The following PREX1 variants were observed in gnomAD, a reference collection of about 807,000 sequenced individuals.
PREX1 encodes phosphatidylinositol 3,4,5-trisphosphate-dependent Rac exchanger 1 protein.
Under a neutral mutation model 198.3 loss-of-function variants are expected in PREX1, and 41 were observed. The ratio of observed to expected loss-of-function variants is 0.21; its 90% CI spans 0.16 to 0.27. The LOEUF is 0.27. Ranked by LOEUF, PREX1 falls within the 10% of genes least tolerant of loss-of-function variation. The probability of loss-of-function intolerance (pLI) is 1.00; values close to 1 mark genes in which losing one functional copy is unlikely to be tolerated. For missense variants in PREX1, 1,620 were observed against 2,200.7 expected (o/e 0.74, Z 5.28); for synonymous variants, 843 against 887.2 (o/e 0.95, Z 0.89).
intron 16 of PREX1, among the ~76,000 whole-genome samples, chr20:48,659,627 G>A (rs2089575168): frequency 6.6e-6 from 1 of 152,056 alleles, no homozygotes; most frequent in Non-Finnish European, 1.5e-5. Flanking sequence ...GGGTATGCAG[G>A]ATGAGTTGCT....
intron 36 of PREX1, 25 bp downstream of exon 36, chr20:48,630,703 G>A: frequency 6.4e-7 from 1 of 1,555,386 alleles, no homozygotes; most frequent in Non-Finnish European, 8.9e-7. Flanking sequence ...CAAGCTCCCT[G>A]CAGCAGGAGG....
At chr20:48,635,286 G>A (rs2089353454) in intron 32 of PREX1, among the ~76,000 whole-genome samples, 2 of 152,088 alleles carry the variant, frequency 1.3e-5, no homozygotes, top group Admixed American at 1.3e-4. Context: ...CCAGCTTCCT[G>A]GCCACCACCC....
At chr20:48,812,521 A>G (rs1445908524) in intron 1 of PREX1, among the ~76,000 whole-genome samples, 1 of 151,758 alleles carries the variant, frequency 6.6e-6, no homozygotes, top group Non-Finnish European at 1.5e-5. Flanking sequence ...GAATGGGTAA[A>G]TAATAATTTT....
intron 16 of PREX1, among the ~76,000 whole-genome samples, chr20:48,659,286 G>A (rs187085899): frequency 7.6e-6 from 1 of 131,252 alleles, no homozygotes; most frequent in Non-Finnish European, 1.6e-5. Context: ...GAGAGAGAAA[G>A]AAGAAAAGAA....
chr20:48,771,312 G>T (rs1384510753), intron 1 of PREX1, among the ~76,000 whole-genome samples: 1 of 151,016 alleles, frequency 6.6e-6, no homozygotes, highest in African/African-American at 2.4e-5. Flanking sequence ...GAGTAACCTG[G>T]TACATAAAAG....
intron 20 of PREX1, among the ~76,000 whole-genome samples, chr20:48,653,012 T>A (rs550932502): frequency 6.6e-6 from 1 of 152,188 alleles, no homozygotes; most frequent in African/African-American, 2.4e-5. Context: ...AATGAGGGAA[T>A]CTCGCCCTCC....
chr20:48,668,298 T>G (rs2122973669), intron 14 of PREX1, among the ~76,000 whole-genome samples: 1 of 152,276 alleles, frequency 6.6e-6, no homozygotes, highest in South Asian at 2.1e-4. Flanking sequence ...ACAAGCTGAG[T>G]CAGGCCCGTG....
At chr20:48,886,910 CTGT>C in the PREX1 span, among the ~76,000 whole-genome samples, 1 of 152,216 alleles carries the variant, frequency 6.6e-6, no homozygotes, top group African/African-American at 2.4e-5. Flanking sequence ...GTTGATCTCT[CTGT>C]TGTTCTCCCT....
Position 48,755,446 on chromosome 20 carries a change from A to G in PREX1, c.220-7566T>C, listed in dbSNP as rs567632911. ...GCAGCTAGGTGTGGGCATGCAACTAAGTTCAGGTCAGTACAGCATACATGG... is the reference window on the plus strand; with the variant it reads ...GCAGCTAGGTGTGGGCATGCAACTAGGTTCAGGTCAGTACAGCATACATGG... On this transcript the variant is annotated intron_variant, in intron 1 of 39. Transcript: ENST00000371941. Among the ~76,000 whole-genome samples, 3 of 152,350 alleles carry G rather than the reference A, an allele frequency of 2.0e-5. No homozygotes were observed. In the South Asian group the frequency reaches 6.2e-4, roughly 32 times the overall value.
intron 14 of PREX1, among the ~76,000 whole-genome samples, chr20:48,673,190 A>G (rs886599519): frequency 6.6e-6 from 1 of 152,048 alleles, no homozygotes; most frequent in African/African-American, 2.4e-5. Context: ...TCCCCTGCCC[A>G]TCCGCTGGAA....
At chr20:48,862,126 C>T in the PREX1 span, among the ~76,000 whole-genome samples, 2 of 152,124 alleles carry the variant, frequency 1.3e-5, no homozygotes, top group African/African-American at 4.8e-5. Flanking sequence ...AGTAGAATTG[C>T]TTGAACCCAG....
intron 4 of PREX1, among the ~76,000 whole-genome samples, chr20:48,731,141 T>G (rs1269208653): frequency 6.6e-6 from 1 of 152,180 alleles, no homozygotes; most frequent in African/African-American, 2.4e-5. Context: ...ACCCTTGGCT[T>G]TCTTGCAATT....
chr20:48,686,711 G>A (rs2089787084), intron 10 of PREX1, among the ~76,000 whole-genome samples: 1 of 152,232 alleles, frequency 6.6e-6, no homozygotes, highest in Admixed American at 6.5e-5. Context: ...CTCCATGGAA[G>A]CTCAGAGCTG....
chr20:48,626,253 G>A (rs868695575), intron 39 of PREX1, among the ~76,000 whole-genome samples: 4 of 152,166 alleles, frequency 2.6e-5, no homozygotes, highest in South Asian at 2.1e-4. Context: ...TGCCCCTTAC[G>A]CAGTTTCACT....
At chr20:48,669,452 G>T (rs1342373737) in intron 14 of PREX1, among the ~76,000 whole-genome samples, 1 of 152,104 alleles carries the variant, frequency 6.6e-6, no homozygotes, top group African/African-American at 2.4e-5. Flanking sequence ...TTGCCCACCG[G>T]GTATAAGCTC....
the PREX1 span, among the ~76,000 whole-genome samples, chr20:48,874,489 G>C: frequency 1.3e-5 from 2 of 151,756 alleles, no homozygotes; most frequent in Non-Finnish European, 2.9e-5. Flanking sequence ...GGGAGTTTGG[G>C]AGACATGATG....
the PREX1 span, among the ~76,000 whole-genome samples, chr20:48,877,927 G>A: frequency 6.6e-6 from 1 of 152,158 alleles, no homozygotes; most frequent in Non-Finnish European, 1.5e-5. Flanking sequence ...TGGCCAACAT[G>A]GCGAAGCTCC....
intron 5 of PREX1, among the ~76,000 whole-genome samples, chr20:48,715,342 G>C (rs1396241474): frequency 6.6e-6 from 1 of 152,166 alleles, no homozygotes; most frequent in Non-Finnish European, 1.5e-5. Flanking sequence ...AAGAGAGAGG[G>C]CTACCTTGTA....
chr20:48,847,903 A>T, the PREX1 span, among the ~76,000 whole-genome samples: 1 of 152,214 alleles, frequency 6.6e-6, no homozygotes, highest in African/African-American at 2.4e-5. Flanking sequence ...CACTCAACAT[A>T]AACAATGTTT....
Sources: gnomAD v4.1 joint callset for allele counts (sites outside exome capture counted in the v4.1 genomes callset) on GRCh38, gnomAD v4.1.1 for gene constraint, MANE v1.5 for transcripts, NCBI Gene and HGNC (gene_info 2026-07-23, HGNC 2026-07-21) for gene names.